Variants in LEPR observed in about 807,000 individuals in gnomAD.
LEPR encodes the protein leptin receptor.
Under a neutral mutation model 114.7 loss-of-function variants are expected in LEPR, and 56 were observed. The observed-to-expected ratio is 0.49, with a 90% CI of 0.39 to 0.61. LEPR has a LOEUF of 0.61. LEPR is among the 20% of genes least tolerant of loss of function. LEPR has a pLI of 0.00. For missense variants in LEPR, 1,202 were observed against 1,352.9 expected (o/e 0.89, Z 1.75); for synonymous variants, 443 against 461.4 (o/e 0.96, Z 0.51).
At position 65,572,306 on chromosome 1, in the gene LEPR, T is replaced by TG; in HGVS notation, c.371-20_371-19insG. On this transcript the variant is annotated intron_variant, in intron 4 of 19. Transcript: ENST00000349533. ...CATGTAGTTGTTTTTTTTTTTTTTT[T>TG]TTTTTTTTTTTAAATTCAGATGCAA... is the stretch of plus-strand genomic sequence containing the variant. 6.9e-7 allele frequency: 1 copy of TG among 1,451,004 alleles called. No homozygotes were observed. The highest frequency in any genetic ancestry group is 9.1e-7 in the Non-Finnish European group (1 of 1,103,952). The allele number at this position is 1,451,004 out of a possible 1,614,324, so 89.9% of individuals were successfully genotyped here.
chr1:65,564,992 C>T (rs1487793004), intron 2 of LEPR, among the ~76,000 whole-genome samples: 1 of 152,172 alleles, frequency 6.6e-6, no homozygotes, highest in Non-Finnish European at 1.5e-5. Context: ...ATTATTCTAA[C>T]TCTCCAATAT....
chr1:65,522,655 C>T (rs527582585), intron 2 of LEPR, among the ~76,000 whole-genome samples: 1 of 152,226 alleles, frequency 6.6e-6, no homozygotes, highest in South Asian at 2.1e-4. Context: ...GTTTTTGAAA[C>T]TAACAACTAA....
At chr1:65,554,655 T>C (rs998507421) in intron 2 of LEPR, among the ~76,000 whole-genome samples, 2 of 151,468 alleles carry the variant, frequency 1.3e-5, no homozygotes, top group Admixed American at 1.3e-4. Context: ...TCCATGGGGG[T>C]GGTATCCGCT....
intron 8 of LEPR, among the ~76,000 whole-genome samples, chr1:65,599,880 T>C (rs1656328562): frequency 6.6e-6 from 1 of 152,158 alleles, no homozygotes; most frequent in Non-Finnish European, 1.5e-5. Flanking sequence ...CAATATCTCA[T>C]ATCAATTTCA....
intron 2 of LEPR, among the ~76,000 whole-genome samples, chr1:65,488,234 TTC>T (rs1215923057): frequency 2.2e-5 from 2 of 90,984 alleles, no homozygotes. Flanking sequence ...CTCTCTTTCT[TTC>T]TTTCTTTCTT....
At chr1:65,579,412 T>C (rs1361607073) in intron 5 of LEPR, among the ~76,000 whole-genome samples, 1 of 152,002 alleles carries the variant, frequency 6.6e-6, no homozygotes, top group East Asian at 1.9e-4. Flanking sequence ...TGAGAGTGAA[T>C]AATGGAATAG....
chr1:65,488,159 C>CCTTCCTTCCTTTCTTTCTTT (rs1249504387), intron 2 of LEPR, among the ~76,000 whole-genome samples: 6 of 65,478 alleles, frequency 9.2e-5, no homozygotes, highest in Admixed American at 3.2e-4. Context: ...TTCCTTCCTT[C>CCTTCCTTCCTTTCTTTCTTT]CTTTCTTTCT....
intron 2 of LEPR, among the ~76,000 whole-genome samples, chr1:65,520,162 C>CA (rs1649558340): frequency 6.6e-6 from 1 of 151,906 alleles, no homozygotes; most frequent in Admixed American, 6.6e-5. Context: ...AGCACCTGGC[C>CA]AAAAAAATGT....
intron 2 of LEPR, chr1:65,434,458 G>A: frequency 1.0e-6 from 1 of 985,296 alleles, no homozygotes; most frequent in Middle Eastern, 5.2e-4. Context: ...CAAACAAGTG[G>A]GTTACAAGCA....
chr1:65,546,400 G>A (rs1651728771), intron 2 of LEPR, among the ~76,000 whole-genome samples: 1 of 152,182 alleles, frequency 6.6e-6, no homozygotes, highest in African/African-American at 2.4e-5. Context: ...ACCTTGGGCA[G>A]TATGGCCATT....
chr1:65,636,768 C>T lies in LEPR; in HGVS notation c.3251C>T (p.Ser1084Leu), dbSNP rs760971293. Residue 1084 changes from serine (S) to leucine (L), a missense_variant, in exon 20 of 20, where the codon TCA becomes TTA. Coordinates refer to ENST00000349533, the MANE Select transcript of LEPR (RefSeq NM_002303.6). ...KKSIYYLGVT[S>L]IKKRESGVLL... ...TCTATCTATTATTTAGGGGTCACCT[C>T]AATCAAAAAGAGAGAGAGTGGTGTG... 1.2e-6 allele frequency: 2 copies of T among 1,613,806 alleles called. No homozygotes were observed. The highest frequency in any genetic ancestry group is 1.7e-6 in the Non-Finnish European group (2 of 1,179,950).
chr1:65,434,154 T>A (rs1044337412), intron 2 of LEPR: 3 of 984,056 alleles, frequency 3.0e-6, no homozygotes, highest in South Asian at 9.4e-5. Flanking sequence ...TTTGAAGTGA[T>A]AGATTATTAG....
intron 2 of LEPR, among the ~76,000 whole-genome samples, chr1:65,544,610 C>A (rs1471327687): frequency 1.3e-5 from 2 of 151,544 alleles, no homozygotes; most frequent in African/African-American, 2.4e-5. Context: ...TAGATATGTT[C>A]CATCAATACC....
intron 19 of LEPR, among the ~76,000 whole-genome samples, chr1:65,627,189 C>T (rs74081964): frequency 0.058 from 8,862 of 152,198 alleles, 587 homozygotes; most frequent in South Asian, 0.21. Flanking sequence ...AATTGATACC[C>T]GTGCCATCAG....
At chr1:65,551,352 T>G (rs959408799) in intron 2 of LEPR, among the ~76,000 whole-genome samples, 8 of 152,052 alleles carry the variant, frequency 5.3e-5, no homozygotes, top group Non-Finnish European at 1.0e-4. Flanking sequence ...TCCTGGGCCT[T>G]TTTTGGTTGG....
At chr1:65,451,336 A>G (rs1386457857) in intron 2 of LEPR, among the ~76,000 whole-genome samples, 3 of 152,028 alleles carry the variant, frequency 2.0e-5, no homozygotes, top group African/African-American at 7.2e-5. Flanking sequence ...GGTGTTTTAG[A>G]CATGAAGTCC....
chr1:65,596,038 C>T (rs1028938049), intron 6 of LEPR, among the ~76,000 whole-genome samples: 9 of 151,988 alleles, frequency 5.9e-5, no homozygotes, highest in Non-Finnish European at 1.3e-4. Context: ...TTGTGTATTT[C>T]CAAATAGTGT....
intron 3 of LEPR, among the ~76,000 whole-genome samples, chr1:65,566,971 G>A (rs1653809358): frequency 6.6e-6 from 1 of 152,050 alleles, no homozygotes; most frequent in Admixed American, 6.6e-5. Context: ...TATATTTAAG[G>A]GAACTGTTCA....
chr1:65,612,848 G>A (rs952733203), intron 14 of LEPR, among the ~76,000 whole-genome samples: 1 of 152,170 alleles, frequency 6.6e-6, no homozygotes, highest in African/African-American at 2.4e-5. Flanking sequence ...TCATATTAAG[G>A]ATACATTCTA....
Sources: allele counts gnomAD v4.1 joint callset (sites outside exome capture counted in the v4.1 genomes callset), GRCh38; gene constraint gnomAD v4.1.1; transcripts MANE v1.5; gene names NCBI Gene and HGNC (gene_info 2026-07-23, HGNC 2026-07-21).